The following IGF2BP3 variants were observed in gnomAD, a reference collection of about 807,000 sequenced individuals.
IGF2BP3 encodes the protein insulin-like growth factor 2 mRNA-binding protein 3.
A neutral mutation model predicts 73.8 loss-of-function variants in IGF2BP3; 9 were observed. That is an observed-to-expected ratio of 0.12 (90% confidence interval 0.07 to 0.21). The LOEUF (loss-of-function observed/expected upper bound fraction) is 0.21, where lower values mean the gene tolerates loss of function less well. Among genes scored for constraint, IGF2BP3 ranks in the 10% least tolerant of loss-of-function variants. IGF2BP3 has a pLI of 1.00. For synonymous variants in IGF2BP3, 258 were observed against 256.7 expected, an observed-to-expected ratio of 1.01 and a Z score of -0.05; for missense variants, 542 against 714.0, an observed-to-expected ratio of 0.76 and a Z score of 2.75.
At chr7:23,419,239 G>A (rs1787277273) in intron 2 of IGF2BP3, among the ~76,000 whole-genome samples, 1 of 152,166 alleles carries the variant, frequency 6.6e-6, no homozygotes, top group Admixed American at 6.5e-5. Context: ...TAAAAATGAG[G>A]TGTGGGTGGC....
At chr7:23,369,860 T>C (rs1348550300) in intron 3 of IGF2BP3, among the ~76,000 whole-genome samples, 1 of 152,190 alleles carries the variant, frequency 6.6e-6, no homozygotes, top group African/African-American at 2.4e-5. Context: ...AGATAATTTA[T>C]GTTCTGCAGA....
chr7:23,361,887 G>T (rs1409263518), intron 3 of IGF2BP3, 146 bp from the exon 4 acceptor site: 2 of 631,264 alleles, frequency 3.2e-6, no homozygotes, highest in East Asian at 2.8e-5. Context: ...ACTAAGGGAT[G>T]GATACCACAA....
At chr7:23,343,603 C>G in intron 9 of IGF2BP3, 115 bp downstream of exon 9, 1 of 1,014,018 alleles carries the variant, frequency 9.9e-7, no homozygotes, top group Non-Finnish European at 1.5e-6. Context: ...TGCTAAAAAT[C>G]AACTAGAACT....
At chr7:23,358,756 T>C (rs954312442) in intron 5 of IGF2BP3, among the ~76,000 whole-genome samples, 1 of 152,146 alleles carries the variant, frequency 6.6e-6, no homozygotes, top group Non-Finnish European at 1.5e-5. Flanking sequence ...AAACTGATAA[T>C]TTTTTTACCA....
chr7:23,319,210 T>A lies in IGF2BP3; in HGVS notation c.1248A>T (p.Ser416=), dbSNP rs1784071178. The A allele has an allele frequency of 1.2e-6, 2 of 1,613,870 alleles. No homozygotes were observed. ...ETVHLFIPAL[S]VGAIIGKQGQ... ...CCTGCTTGCCGATGATGGCACCGAC[T>A]GATAGAGCTGGGATAAACAGATGAA... Residue 416 remains serine, a synonymous_variant, in exon 11 of 15, where the codon TCA becomes TCT. Coordinates refer to ENST00000258729, the MANE Select transcript of IGF2BP3 (RefSeq NM_006547.3).
intron 3 of IGF2BP3, among the ~76,000 whole-genome samples, chr7:23,400,005 A>T (rs1176662960): frequency 6.6e-6 from 1 of 152,132 alleles, no homozygotes; most frequent in Admixed American, 6.6e-5. Flanking sequence ...CTTCAATGCC[A>T]CACCAGGTCC....
intron 10 of IGF2BP3, among the ~76,000 whole-genome samples, chr7:23,332,951 G>C (rs576951462): frequency 3.9e-5 from 6 of 152,224 alleles, no homozygotes; most frequent in East Asian, 1.9e-4. Flanking sequence ...CTTGGGGGAA[G>C]CTGGTGGTGA....
At chr7:23,457,231 G>A (rs550717836) in intron 2 of IGF2BP3, among the ~76,000 whole-genome samples, 31 of 152,268 alleles carry the variant, frequency 2.0e-4, no homozygotes, top group Non-Finnish European at 3.8e-4. Context: ...GGGAGGCTAA[G>A]GCAGGAGGAT....
rs917995569 is a variant in IGF2BP3 at position 23,395,031 on chromosome 7, G to A, written c.285+23745C>T. Among the ~76,000 whole-genome samples, 73 of 152,146 alleles carry A rather than the reference G, an allele frequency of 4.8e-4. 1 individual carries two copies. The highest frequency in any genetic ancestry group is 4.8e-3 in the Admixed American group (73 of 15,272). On this transcript the variant is annotated intron_variant, in intron 3 of 14. Transcript: ENST00000258729. The stretch of plus-strand genomic sequence containing the variant: ...AGTAATGATGGGTGTAAGCTCAGAG[G>A]AGCTTAGCATTAATCCACCCTAATG...
intron 3 of IGF2BP3, chr7:23,413,460 G>A (rs939164175): frequency 1.3e-5 from 2 of 152,044 alleles, no homozygotes; most frequent in Admixed American, 6.5e-5. Flanking sequence ...CTCCAGCCTC[G>A]ATGAAAGAGC....
At chr7:23,356,219 C>A (rs913547899) in intron 5 of IGF2BP3, among the ~76,000 whole-genome samples, 6 of 152,108 alleles carry the variant, frequency 3.9e-5, no homozygotes, top group Non-Finnish European at 5.9e-5. Context: ...TAGCCATCTC[C>A]CTATAAAACT....
chr7:23,393,380 G>C (rs1786346969), intron 3 of IGF2BP3, among the ~76,000 whole-genome samples: 1 of 152,124 alleles, frequency 6.6e-6, no homozygotes, highest in Non-Finnish European at 1.5e-5. Flanking sequence ...CATGCCTAAG[G>C]AATACGGGCA....
chr7:23,375,836 A>T (rs1341230167), intron 3 of IGF2BP3, among the ~76,000 whole-genome samples: 1 of 152,252 alleles, frequency 6.6e-6, no homozygotes, highest in African/African-American at 2.4e-5. Flanking sequence ...AAAGTCAATA[A>T]TGATAGGAAT....
At chr7:23,382,163 T>C (rs1785931530) in intron 3 of IGF2BP3, among the ~76,000 whole-genome samples, 4 of 152,086 alleles carry the variant, frequency 2.6e-5, no homozygotes, top group Admixed American at 2.6e-4. Flanking sequence ...GGAGGATCAC[T>C]TGAGCCCAGG....
intron 2 of IGF2BP3, among the ~76,000 whole-genome samples, chr7:23,445,358 G>C (rs570459494): frequency 6.6e-6 from 1 of 152,038 alleles, no homozygotes; most frequent in Non-Finnish European, 1.5e-5. Flanking sequence ...TAGTTCCTAT[G>C]GGTGTTTCGT....
At chr7:23,348,436 G>A (rs1038666794) in intron 6 of IGF2BP3, among the ~76,000 whole-genome samples, 1 of 152,166 alleles carries the variant, frequency 6.6e-6, no homozygotes, top group Non-Finnish European at 1.5e-5. Context: ...TGGGTAACAA[G>A]GCACACTCAA....
At chr7:23,346,192 A>G (rs997119207) in intron 7 of IGF2BP3, 130 bp from the exon 8 acceptor site, 4 of 998,308 alleles carry the variant, frequency 4.0e-6, no homozygotes. Context: ...TACAGCTTAA[A>G]ACTTGCTGAC....
At chr7:23,344,864 T>C (rs1784793380) in intron 8 of IGF2BP3, among the ~76,000 whole-genome samples, 1 of 152,254 alleles carries the variant, frequency 6.6e-6, no homozygotes, top group African/African-American at 2.4e-5. Context: ...AAGAAGTCTA[T>C]AATTCTAATT....
chr7:23,430,176 C>T (rs1236975109), intron 2 of IGF2BP3, among the ~76,000 whole-genome samples: 2 of 151,878 alleles, frequency 1.3e-5, no homozygotes, highest in East Asian at 1.9e-4. Context: ...CTCCACCTCC[C>T]GGGTTCAAGC....
Sources: gnomAD v4.1 joint callset for allele counts (sites outside exome capture counted in the v4.1 genomes callset) on GRCh38, gnomAD v4.1.1 for gene constraint, MANE v1.5 for transcripts, NCBI Gene and HGNC (gene_info 2026-07-23, HGNC 2026-07-21) for gene names.